Variants in INSR observed in about 807,000 individuals in gnomAD.
INSR encodes the protein insulin receptor.
A neutral mutation model predicts 142.6 loss-of-function variants in INSR; 67 were observed. The observed-to-expected ratio is 0.47, with a 90% confidence interval of 0.39 to 0.58. The LOEUF is 0.58. Among genes scored for constraint, INSR ranks in the 20% least tolerant of loss-of-function variants. INSR has a pLI of 0.00. For missense variants in INSR, 1,248 were observed against 1,833.2 expected, an observed-to-expected ratio of 0.68 and a Z score of 5.83; for synonymous variants, 756 against 743.1, an observed-to-expected ratio of 1.02 and a Z score of -0.28.
chr19:7,178,787 A>C (rs1002740743), intron 3 of INSR, among the ~76,000 whole-genome samples: 1 of 152,202 alleles, frequency 6.6e-6, no homozygotes, highest in African/African-American at 2.4e-5. Context: ...GCTGGTGGAC[A>C]CACCAGTATG....
In INSR at chr19:7,159,580, C is replaced by T. The variant is rs553963306; in HGVS notation, c.2029+3452G>A. 2 of 151,150 alleles carry T rather than the reference C, an allele frequency of 1.3e-5. No homozygotes were observed. Among genetic ancestry groups the T allele is most frequent in the East Asian group, 1.9e-4 (1 of 5,140 alleles). 9.4% of individuals were successfully genotyped at this position (151,150 alleles called of 1,614,324 possible). A position where few individuals can be genotyped will look rare whatever the true frequency, so the allele number is the denominator to read the frequency against. On this transcript the variant is annotated intron_variant, in intron 9 of 21. Coordinates refer to ENST00000302850, the MANE Select transcript of INSR (RefSeq NM_000208.4). This position sits in a 1 kb window ranked among gnomAD's most constrained non-coding sequence, Gnocchi z 4.3. ...GTGACATTACTGGTGGCAGCTCTCA[C>T]GGGTGGTTCTGGTTACTTGAATGCA...
intron 11 of INSR, among the ~76,000 whole-genome samples, chr19:7,148,477 C>CTTTTT (rs71177160): frequency 0.011 from 1,042 of 95,014 alleles, 112 homozygotes; most frequent in Non-Finnish European, 0.014. Context: ...TGTATTTATT[C>CTTTTT]TTTTTTTTTT....
intron 1 of INSR, among the ~76,000 whole-genome samples, chr19:7,289,605 C>T (rs1245864488): frequency 6.6e-6 from 1 of 151,858 alleles, no homozygotes; most frequent in Non-Finnish European, 1.5e-5. Flanking sequence ...GGGGTTTCAC[C>T]ATGTTGGCCA....
At chr19:7,154,665 T>C (rs1973544162) in intron 9 of INSR, among the ~76,000 whole-genome samples, 1 of 149,538 alleles carries the variant, frequency 6.7e-6, no homozygotes, top group South Asian at 2.2e-4. Flanking sequence ...GGCTCACTCC[T>C]GTAATCCCAG....
chr19:7,165,384 C>T (rs148187731), intron 8 of INSR, among the ~76,000 whole-genome samples: 16 of 152,104 alleles, frequency 1.1e-4, no homozygotes, highest in Middle Eastern at 3.4e-3. Context: ...AGGGAACAGG[C>T]GTCGAGATGA....
chr19:7,289,234 T>C (rs1290086820), intron 1 of INSR, among the ~76,000 whole-genome samples: 2 of 151,422 alleles, frequency 1.3e-5, no homozygotes, highest in African/African-American at 4.9e-5. Flanking sequence ...AGCCAGATGC[T>C]GGGGGCAGAA....
At chr19:7,149,495 T>C (rs553880907) in intron 11 of INSR, among the ~76,000 whole-genome samples, 2 of 152,206 alleles carry the variant, frequency 1.3e-5, no homozygotes, top group Non-Finnish European at 2.9e-5. Flanking sequence ...CCCAGGACCA[T>C]ACTGCTTCAT....
intron 2 of INSR, among the ~76,000 whole-genome samples, chr19:7,250,684 C>G (rs897211680): frequency 1.3e-5 from 2 of 150,268 alleles, no homozygotes; most frequent in African/African-American, 2.5e-5. Context: ...TTCTTTAAAA[C>G]AAAAGAAAAA....
At chr19:7,277,316 G>A (rs1320396552) in intron 1 of INSR, among the ~76,000 whole-genome samples, 2 of 151,642 alleles carry the variant, frequency 1.3e-5, no homozygotes, top group Non-Finnish European at 2.9e-5. Flanking sequence ...CAGCTACATG[G>A]AAATCATTCC....
rs922323459 is a variant in INSR at position 7,268,321 on chromosome 19, G to A, written c.101-425C>T. 3 of 522,692 alleles carry A rather than the reference G, an allele frequency of 5.7e-6. No individual in the cohort carries two copies. The African/African-American group carries it at 6.2e-5, about 11-fold the overall frequency. The allele number at this position is 522,692 out of a possible 1,614,324, so 32.4% of individuals were successfully genotyped here. A position where few individuals can be genotyped will look rare whatever the true frequency, so the allele number is the denominator to read the frequency against. On this transcript the variant is annotated intron_variant, in intron 1 of 21. Transcript: ENST00000302850. ...AGAAATGGGGCAAGGAAAGCTAAAT[G>A]TATTTGTTTTGTCAATCCTCCCACC... is the stretch of plus-strand genomic sequence containing the variant.
intron 1 of INSR, among the ~76,000 whole-genome samples, chr19:7,270,590 A>AAAG (rs1555690429): frequency 1.3e-5 from 2 of 152,058 alleles, no homozygotes; most frequent in East Asian, 1.9e-4. Context: ...CAACTCTAAA[A>AAAG]AATAATAATA....
At chr19:7,264,926 G>T (rs1430139480) in intron 2 of INSR, among the ~76,000 whole-genome samples, 1 of 152,170 alleles carries the variant, frequency 6.6e-6, no homozygotes, top group Admixed American at 6.5e-5. Flanking sequence ...CTCCAAGGGA[G>T]TCCTCACAGA....
At chr19:7,286,448 C>A (rs1968346561) in intron 1 of INSR, among the ~76,000 whole-genome samples, 1 of 150,196 alleles carries the variant, frequency 6.7e-6, no homozygotes, top group Admixed American at 6.6e-5. Flanking sequence ...AGTGCAGTGG[C>A]ATGAATATGG....
chr19:7,167,171 A>G (rs544158169), intron 7 of INSR, among the ~76,000 whole-genome samples: 2 of 152,314 alleles, frequency 1.3e-5, no homozygotes, highest in South Asian at 4.1e-4. Context: ...GGGATACTCA[A>G]TCTGTAATAA....
At chr19:7,226,447 C>T (rs1227635032) in intron 2 of INSR, among the ~76,000 whole-genome samples, 1 of 143,364 alleles carries the variant, frequency 7.0e-6, no homozygotes, top group East Asian at 2.1e-4. Flanking sequence ...CTCTAAGTAC[C>T]AACTGCAGTG....
chr19:7,258,578 G>C lies in INSR; in HGVS notation c.652+8767C>G, dbSNP rs561961531. 2.0e-5 allele frequency among the ~76,000 whole-genome samples: 3 copies of C among 149,616 alleles called. 1 individual carries two copies. Among genetic ancestry groups the C allele is most frequent in the African/African-American group, 7.3e-5 (3 of 40,834 alleles). Reference sequence around the variant, plus strand: ...TCCCCAGCTAGGTCTCCTAGAGCAAGTCTCATAATTCCTAGCCATGCCTCA... The same window carrying C: ...TCCCCAGCTAGGTCTCCTAGAGCAACTCTCATAATTCCTAGCCATGCCTCA... On this transcript the variant is annotated intron_variant, in intron 2 of 21. Transcript: ENST00000302850.
intron 1 of INSR, among the ~76,000 whole-genome samples, chr19:7,269,333 G>A (rs1967842583): frequency 6.8e-6 from 1 of 146,432 alleles, no homozygotes; most frequent in Admixed American, 7.0e-5. Context: ...CAGTGATCCT[G>A]GATCACATTC....
At chr19:7,270,242 C>T (rs1372136941) in intron 1 of INSR, among the ~76,000 whole-genome samples, 2 of 151,980 alleles carry the variant, frequency 1.3e-5, no homozygotes, top group East Asian at 3.9e-4. Context: ...ACCACCATGC[C>T]TGGCTGGCAT....
chr19:7,143,241 A>C, intron 11 of INSR, 151 bp from the exon 12 acceptor site: 1 of 867,220 alleles, frequency 1.2e-6, no homozygotes, highest in South Asian at 1.4e-5. Context: ...ACAGACTGCC[A>C]GGAATGACCA....
Sources: gnomAD v4.1 joint callset for allele counts (sites outside exome capture counted in the v4.1 genomes callset) on GRCh38, gnomAD v4.1.1 for gene constraint, Gnocchi (gnomAD v3.1) non-coding constraint, MANE v1.5 for transcripts, NCBI Gene and HGNC (gene_info 2026-07-23, HGNC 2026-07-21) for gene names.